Variants in GRB14 observed in about 807,000 individuals in gnomAD.
GRB14 encodes the protein growth factor receptor bound protein 14.
In GRB14, 38 loss-of-function variants were observed where a neutral mutation model predicts 69.1. That is an observed-to-expected ratio of 0.55 (90% confidence interval 0.42 to 0.72). The LOEUF is 0.72. GRB14 is among the 30% of genes least tolerant of loss of function. The pLI, the probability that GRB14 is intolerant of heterozygous loss-of-function variation, is 0.00. For synonymous variants in GRB14, 247 were observed against 241.3 expected, an observed-to-expected ratio of 1.02 and a Z score of -0.22; for missense variants, 666 against 666.1, an observed-to-expected ratio of 1.00 and a Z score of 0.00.
intron 5 of GRB14, among the ~76,000 whole-genome samples, chr2:164,522,347 A>C (rs1163697180): frequency 6.6e-6 from 1 of 152,076 alleles, no homozygotes; most frequent in Non-Finnish European, 1.5e-5. Context: ...ATACACACAC[A>C]CATACACACA....
chr2:164,586,443 G>T (rs1689542089), intron 2 of GRB14, among the ~76,000 whole-genome samples: 1 of 152,146 alleles, frequency 6.6e-6, no homozygotes, highest in Admixed American at 6.5e-5. Context: ...TTCATCAGAT[G>T]AACCCACATA....
intron 6 of GRB14, among the ~76,000 whole-genome samples, chr2:164,517,960 T>C (rs1687538839): frequency 6.6e-6 from 1 of 152,150 alleles, no homozygotes; most frequent in Admixed American, 6.5e-5. Flanking sequence ...AGACAGGTCA[T>C]TAAGACAGAA....
At chr2:164,581,723 A>T (rs866729419) in intron 2 of GRB14, among the ~76,000 whole-genome samples, 1 of 152,192 alleles carries the variant, frequency 6.6e-6, no homozygotes, top group African/African-American at 2.4e-5. Context: ...AGCAAGGGGA[A>T]ATAATATATG....
intron 1 of GRB14, 76 bp from the exon 2 acceptor site, chr2:164,619,895 G>A: frequency 1.6e-6 from 2 of 1,259,194 alleles, no homozygotes; most frequent in Non-Finnish European, 2.3e-6. Flanking sequence ...AATAAAAAGT[G>A]TGCTAAGGCG....
chr2:164,617,959 T>TTGGG (rs760744590), intron 2 of GRB14, among the ~76,000 whole-genome samples: 5 of 77,062 alleles, frequency 6.5e-5, no homozygotes, highest in South Asian at 5.5e-4. Flanking sequence ...ATCTTTTTTT[T>TTGGG]GGGGGGGGGG....
intron 3 of GRB14, among the ~76,000 whole-genome samples, chr2:164,535,253 TTC>T: frequency 6.6e-6 from 1 of 152,242 alleles, no homozygotes; most frequent in Middle Eastern, 3.4e-3. Context: ...CTACATGTAA[TTC>T]TGTTTTTGAA....
At position 164,493,105 on chromosome 2, in the gene GRB14, C is replaced by T; in HGVS notation, c.1554G>A (p.Glu518=). The T allele has an allele frequency of 6.2e-7, 1 of 1,613,568 alleles. No homozygotes were observed. Among genetic ancestry groups the T allele is most frequent in the Non-Finnish European group, 8.5e-7 (1 of 1,179,596 alleles). The change falls in exon 14 of 14, where the codon GAG becomes GAA. Residue 518 remains glutamate (E), a synonymous_variant. Transcript: ENST00000263915. ...GAACGCCCTTATTGAGTTGATAGAA[C>T]TCCACCAGCTGTATTAGATCTGTAA... The part of the protein sequence containing the change: ...TRFTDLIQLV[E]FYQLNKGVLP...
chr2:164,580,090 TG>T (rs1220436712), intron 2 of GRB14, among the ~76,000 whole-genome samples: 1 of 97,958 alleles, frequency 1.0e-5, no homozygotes, highest in Non-Finnish European at 1.9e-5. Context: ...TAGCATTCTA[TG>T]ATACATTTTT....
intron 3 of GRB14, among the ~76,000 whole-genome samples, chr2:164,527,623 A>T (rs1360321704): frequency 6.6e-6 from 1 of 152,036 alleles, no homozygotes; most frequent in Non-Finnish European, 1.5e-5. Context: ...TAATCTGGAT[A>T]GCTGAGAAGA....
chr2:164,525,127 A>T (rs1399656354), intron 4 of GRB14, 49 bp from the exon 5 acceptor site: 2 of 1,222,628 alleles, frequency 1.6e-6, no homozygotes, highest in Non-Finnish European at 1.2e-6. Flanking sequence ...GCTAGAAAAG[A>T]TTCAATTATG....
In GRB14 at chr2:164,620,058, C is replaced by T. The variant is rs1378805956; in HGVS notation, c.192-239G>A. 13 of 102,694 alleles carry T rather than the reference C, an allele frequency of 1.3e-4. 1 individual carries two copies. The highest frequency in any genetic ancestry group is 7.5e-4 in the African/African-American group (10 of 13,366). 6.4% of individuals were successfully genotyped at this position (102,694 alleles called of 1,614,324 possible). A position where few individuals can be genotyped will look rare whatever the true frequency, so the allele number is the denominator to read the frequency against. The stretch of plus-strand genomic sequence containing the variant: ...TTTCTGTCTCTCTCTCTCTCTCTCT[C>T]TCTCCCCTCCCACCACCCCTCCCCC... On this transcript the variant is annotated intron_variant, in intron 1 of 13. Transcript: ENST00000263915.
At chr2:164,523,079 C>G (rs568838918) in intron 5 of GRB14, among the ~76,000 whole-genome samples, 2 of 152,070 alleles carry the variant, frequency 1.3e-5, no homozygotes, top group African/African-American at 4.8e-5. Context: ...TGGGGGGAAA[C>G]AGGGGAGAGA....
At chr2:164,613,397 C>T (rs1022075654) in intron 2 of GRB14, among the ~76,000 whole-genome samples, 3 of 152,098 alleles carry the variant, frequency 2.0e-5, no homozygotes, top group African/African-American at 7.2e-5. Flanking sequence ...TGGTCCAGGG[C>T]CCACTGTCCC....
intron 8 of GRB14, among the ~76,000 whole-genome samples, chr2:164,508,040 A>G (rs908287066): frequency 1.3e-5 from 2 of 152,224 alleles, no homozygotes; most frequent in Non-Finnish European, 2.9e-5. Context: ...AGCAATTTAT[A>G]AAACACGAAT....
At chr2:164,519,591 A>G (rs1687582468) in intron 6 of GRB14, among the ~76,000 whole-genome samples, 1 of 152,278 alleles carries the variant, frequency 6.6e-6, no homozygotes, top group African/African-American at 2.4e-5. Context: ...AGATGATATG[A>G]TCGTATACCT....
At chr2:164,557,908 C>A (rs1330387527) in intron 2 of GRB14, among the ~76,000 whole-genome samples, 1 of 152,030 alleles carries the variant, frequency 6.6e-6, no homozygotes, top group Non-Finnish European at 1.5e-5. Flanking sequence ...AATTCAAAAT[C>A]CACAGATGAT....
intron 2 of GRB14, among the ~76,000 whole-genome samples, chr2:164,599,830 G>A (rs1395535953): frequency 6.6e-6 from 1 of 152,062 alleles, no homozygotes; most frequent in Non-Finnish European, 1.5e-5. Flanking sequence ...TAATCAACTA[G>A]CACTTTTGCA....
chr2:164,586,251 T>C (rs955335093), intron 2 of GRB14, among the ~76,000 whole-genome samples: 3 of 152,272 alleles, frequency 2.0e-5, no homozygotes, highest in Admixed American at 1.3e-4. Flanking sequence ...AAGGAATATA[T>C]AGAGAATAGT....
At chr2:164,560,595 G>A (rs938064661) in intron 2 of GRB14, among the ~76,000 whole-genome samples, 1 of 151,728 alleles carries the variant, frequency 6.6e-6, no homozygotes, top group Non-Finnish European at 1.5e-5. Context: ...GGATTGGGGG[G>A]GCATATGTAT....
Sources: allele counts gnomAD v4.1 joint callset (sites outside exome capture counted in the v4.1 genomes callset), GRCh38; gene constraint gnomAD v4.1.1; transcripts MANE v1.5; gene names NCBI Gene and HGNC (gene_info 2026-07-23, HGNC 2026-07-21).